Variants in APPL2 observed in about 807,000 individuals in gnomAD.
The protein encoded by APPL2 is adaptor protein, phosphotyrosine interacting with PH domain and leucine zipper 2.
In APPL2, 84 loss-of-function variants were observed where a neutral mutation model predicts 92.7. The ratio of observed to expected loss-of-function variants is 0.91; its 90% CI spans 0.76 to 1.09. The LOEUF (loss-of-function observed/expected upper bound fraction) is 1.09, where lower values mean the gene tolerates loss of function less well. APPL2 is among the 50% of genes least tolerant of loss of function. The pLI is 0.00. For synonymous variants in APPL2, 291 were observed against 291.0 expected (o/e 1.00, Z 0.00); for missense variants, 736 against 824.5 (o/e 0.89, Z 1.31).
rs539901935 is a variant in APPL2, at chr12:105,186,731, T to TATC, written c.1634+1541_1634+1542insGAT. ...TATATCATATCATATATATATCATA[T>TATC]ATATCATATATATATAAACATCTGT... is the stretch of plus-strand genomic sequence containing the variant. On this transcript the variant is annotated intron_variant, in intron 17 of 20. Coordinates refer to ENST00000258530, the MANE Select transcript of APPL2 (RefSeq NM_018171.5). 3.9e-3 allele frequency among the ~76,000 whole-genome samples: 570 copies of TATC among 146,096 alleles called. 3 individuals carry two copies. The highest frequency in any genetic ancestry group is 6.4e-3 in the Non-Finnish European group (424 of 66,720).
At chr12:105,233,497 C>A in intron 1 of APPL2, 1 of 664,086 alleles carries the variant, frequency 1.5e-6, no homozygotes, top group South Asian at 6.7e-5. Flanking sequence ...CTGGGTCACT[C>A]AGTTCAATTA....
intron 9 of APPL2, among the ~76,000 whole-genome samples, chr12:105,203,210 C>T (rs1488853925): frequency 6.6e-6 from 1 of 152,200 alleles, no homozygotes; most frequent in African/African-American, 2.4e-5. Flanking sequence ...TGGCAGGGCG[C>T]CCACAGCCTC....
At chr12:105,201,029 C>T (rs962638163) in intron 9 of APPL2, among the ~76,000 whole-genome samples, 1 of 152,138 alleles carries the variant, frequency 6.6e-6, no homozygotes. Context: ...ATGCCTCAGC[C>T]TCCCAAACAG....
At chr12:105,207,234 C>G (rs1888797014) in intron 7 of APPL2, 27 bp from the exon 8 acceptor site, 3 of 1,604,394 alleles carry the variant, frequency 1.9e-6, no homozygotes, top group Non-Finnish European at 2.5e-6. Context: ...AGGAAAACTT[C>G]AAGTTGTCTA....
At position 105,174,380 on chromosome 12, in the gene APPL2, TAACAG is replaced by T. The variant is rs1566041622; in HGVS notation, c.1924_1928del (p.Leu642LysfsTer6). On this transcript the variant is annotated frameshift_variant, in exon 21 of 21. Coordinates refer to ENST00000258530, the MANE Select transcript of APPL2 (RefSeq NM_018171.5). LOFTEE classifies it high-confidence loss of function. ...CATCATCGTCATCTGGTTGATCGTT[TAACAG>T]TACATATTTTCCGTCATTGGTTAGT... The T allele has an allele frequency of 6.2e-7, 1 of 1,614,058 alleles. No individual in the cohort carries two copies.
At chr12:105,206,992 C>G in intron 8 of APPL2, 69 bp downstream of exon 8, 3 of 1,551,204 alleles carry the variant, frequency 1.9e-6, no homozygotes, top group Non-Finnish European at 2.6e-6. Context: ...TTCAGTGTCT[C>G]CTGCGTGCCC....
At position 105,205,229 on chromosome 12, in the gene APPL2, G is replaced by T. The variant is rs374691997; in HGVS notation, c.622-1444C>A. ...CTCCACGGTGCCAGGCAACAAACTT[G>T]TCTGGCTATTGAAGGAGCTATTGTT... On this transcript the variant is annotated intron_variant, in intron 8 of 20. Transcript: ENST00000258530. Among the ~76,000 whole-genome samples, 53 of 152,324 alleles carry T rather than the reference G, an allele frequency of 3.5e-4. 1 individual carries two copies. The highest frequency in any genetic ancestry group is 3.4e-3 in the Middle Eastern group (1 of 294).
At chr12:105,197,237 T>TA (rs1257966282) in intron 11 of APPL2, among the ~76,000 whole-genome samples, 1 of 152,058 alleles carries the variant, frequency 6.6e-6, no homozygotes, top group African/African-American at 2.4e-5. Flanking sequence ...TGCGGATTGG[T>TA]AAAGTACCAC....
chr12:105,175,708 A>C (rs1196865), intron 20 of APPL2, among the ~76,000 whole-genome samples: 60,264 of 152,046 alleles, frequency 0.4, 13,211 homozygotes, highest in Middle Eastern at 0.58. Context: ...GCATGTGATC[A>C]TACTCTGAGG....
chr12:105,179,003 T>C (rs1885837287), intron 17 of APPL2, among the ~76,000 whole-genome samples: 1 of 152,220 alleles, frequency 6.6e-6, no homozygotes, highest in Non-Finnish European at 1.5e-5. Flanking sequence ...TTTATTATTA[T>C]ACTTTAAGTT....
chr12:105,202,600 C>T (rs1888310721), intron 9 of APPL2, among the ~76,000 whole-genome samples: 1 of 152,158 alleles, frequency 6.6e-6, no homozygotes, highest in Admixed American at 6.5e-5. Flanking sequence ...ATTTAATAGC[C>T]TCTCATCTTC....
rs59473626 is a variant in APPL2 at position 105,174,876 on chromosome 12, T to TGGGGG, written c.1861-433_1861-429dup. Among the ~76,000 whole-genome samples, 537 of 88,344 alleles carry TGGGGG rather than the reference T, an allele frequency of 6.1e-3. 13 individuals are homozygous for TGGGGG. Among genetic ancestry groups the TGGGGG allele is most frequent in the East Asian group, 0.031 (80 of 2,552 alleles). The allele number at this position is 88,344 out of a possible 152,430, so 58.0% of individuals were successfully genotyped here. A position where few individuals can be genotyped will look rare whatever the true frequency, so the allele number is the denominator to read the frequency against. On this transcript the variant is annotated intron_variant, in intron 20 of 20. Transcript: ENST00000258530. ...CCATGCTGCTGCTGCTTTTTTTTGGTGGGGGGGGGGGTGGTGCGGCGGTTG... is the reference window on the plus strand; with the variant it reads ...CCATGCTGCTGCTGCTTTTTTTTGGTGGGGGGGGGGGGGGGGTGGTGCGGCGGTTG...
At chr12:105,200,411 C>T (rs1190885761) in intron 9 of APPL2, among the ~76,000 whole-genome samples, 1 of 152,338 alleles carries the variant, frequency 6.6e-6, no homozygotes, top group African/African-American at 2.4e-5. Flanking sequence ...AGCCATAGTT[C>T]TGCCCTGAGG....
rs762076563 is a variant in APPL2 at position 105,174,334 on chromosome 12, C to A, written c.1975G>T (p.Gly659Cys). The change falls in exon 21 of 21, where the codon GGC (glycine) becomes TGC (cysteine). Residue 659 changes from glycine (G) to cysteine (C), a missense_variant. By Grantham distance (159) the Gly-to-Cys change is radical. Transcript: ENST00000258530. ...GTGAGTTATGCTTCGGATTCTGCGC[C>A]TCTATGTTCGTTTGGATTTCCATCA... ...DDDGNPNEHR[G>C]AESEA 1.2e-5 allele frequency: 19 copies of A among 1,613,810 alleles called. No homozygotes were observed. In the African/African-American group the frequency reaches 2.5e-4, roughly 22 times the overall value.
intron 18 of APPL2, 103 bp downstream of exon 18, chr12:105,177,123 T>C: frequency 6.3e-7 from 1 of 1,595,722 alleles, no homozygotes; most frequent in African/African-American, 1.3e-5. Context: ...TTAGTCCTAT[T>C]AGTGGCAGAT....
intron 17 of APPL2, among the ~76,000 whole-genome samples, chr12:105,178,234 ATAAT>A (rs1438331093): frequency 3.9e-5 from 6 of 152,222 alleles, no homozygotes; most frequent in Non-Finnish European, 7.3e-5. Flanking sequence ...TCGTGTTGGA[ATAAT>A]TAACATGCTA....
At position 105,173,341 on chromosome 12, in the gene APPL2, G is replaced by GATAATA. The variant is rs60585141; in HGVS notation, c.*967_*972dup. ...TATTGCTAGGTTAATTTATTACAAAGATAATAATAGTCTGTTGAACTTAGT... is the reference window on the plus strand; with the variant it reads ...TATTGCTAGGTTAATTTATTACAAAGATAATAATAATAATAGTCTGTTGAACTTAGT... On this transcript the variant is annotated 3_prime_UTR_variant, in exon 21 of 21. Coordinates refer to ENST00000258530, the MANE Select transcript of APPL2 (RefSeq NM_018171.5). 1 of 152,280 alleles carries GATAATA rather than the reference G, an allele frequency of 6.6e-6. No homozygotes were observed. The highest frequency in any genetic ancestry group is 6.6e-5 in the Admixed American group (1 of 15,260). The allele number at this position is 152,280 out of a possible 1,614,324, so 9.4% of individuals were successfully genotyped here. A position where few individuals can be genotyped will look rare whatever the true frequency, so the allele number is the denominator to read the frequency against.
At chr12:105,202,421 G>A (rs902089781) in intron 9 of APPL2, among the ~76,000 whole-genome samples, 2 of 152,158 alleles carry the variant, frequency 1.3e-5, no homozygotes, top group African/African-American at 4.8e-5. Flanking sequence ...CACACGCATG[G>A]GCACAAATGT....
intron 17 of APPL2, among the ~76,000 whole-genome samples, chr12:105,186,678 TATC>T (rs1886722673): frequency 1.4e-5 from 1 of 71,772 alleles, no homozygotes; most frequent in African/African-American, 6.1e-5. Flanking sequence ...ATATATGATA[TATC>T]ATATATATAT....
Sources: allele counts gnomAD v4.1 joint callset (sites outside exome capture counted in the v4.1 genomes callset), GRCh38; gene constraint gnomAD v4.1.1; transcripts MANE v1.5; gene names NCBI Gene and HGNC (gene_info 2026-07-23, HGNC 2026-07-21).